Variants in TRAPPC10 observed in about 807,000 individuals in gnomAD.
TRAPPC10 encodes trafficking protein particle complex subunit 10.
Under a neutral mutation model 125.5 loss-of-function variants are expected in TRAPPC10, and 23 were observed. That is an observed-to-expected ratio of 0.18 (90% confidence interval 0.13 to 0.26). The LOEUF (loss-of-function observed/expected upper bound fraction) is 0.26, where lower values mean the gene tolerates loss of function less well. TRAPPC10 is among the 10% of genes least tolerant of loss of function. The pLI is 1.00. For synonymous variants in TRAPPC10, 509 were observed against 518.0 expected (o/e 0.98, Z 0.24); for missense variants, 1,123 against 1,308.4 (o/e 0.86, Z 2.19).
At position 44,090,665 on chromosome 21, in the gene TRAPPC10, C is replaced by G. The variant is rs570479342; in HGVS notation, c.2870+732C>G. On this transcript the variant is annotated intron_variant, in intron 18 of 22. Transcript: ENST00000291574. ...GGGAGGCCCACGGTGTCCAGGTGTC[C>G]TACCTTAGTGACGGTGCTAGCGTTG... Among the ~76,000 whole-genome samples, 4 of 152,302 alleles carry G rather than the reference C, an allele frequency of 2.6e-5. No homozygotes were observed. The South Asian group carries it at 8.3e-4, about 32-fold the overall frequency.
chr21:44,013,113 A>G (rs1210728335), intron 1 of TRAPPC10, among the ~76,000 whole-genome samples: 2 of 151,098 alleles, frequency 1.3e-5, no homozygotes, highest in Non-Finnish European at 2.9e-5. Context: ...AAACCATTTT[A>G]CGGATGAGAA....
At chr21:44,012,658 G>C in intron 1 of TRAPPC10, 98 bp downstream of exon 1, 1 of 1,136,930 alleles carries the variant, frequency 8.8e-7, no homozygotes, top group Non-Finnish European at 1.2e-6. Context: ...CCCCCGGCGC[G>C]CTCCGGGCTG....
chr21:44,056,386 C>T (rs1397252345), intron 5 of TRAPPC10, among the ~76,000 whole-genome samples: 1 of 152,050 alleles, frequency 6.6e-6, no homozygotes, highest in Non-Finnish European at 1.5e-5. Flanking sequence ...TGGGCAAAGG[C>T]CTGAGAAGAG....
Position 44,052,232 on chromosome 21 carries a change from TA to T in TRAPPC10, c.286-45del, listed in dbSNP as rs1435997535. The T allele has an allele frequency of 2.0e-6, 3 of 1,491,006 alleles. No homozygotes were observed. In the African/African-American group the frequency reaches 4.2e-5, roughly 21 times the overall value. 92.4% of individuals were successfully genotyped at this position (1,491,006 alleles called of 1,614,324 possible). A position where few individuals can be genotyped will look rare whatever the true frequency, so the allele number is the denominator to read the frequency against. Reference sequence around the variant, plus strand: ...ATTAGGCACATTTTGCTGTATAAACTAAAGGGCATTAGTTAACCTGCTTTCA... The same window carrying T: ...ATTAGGCACATTTTGCTGTATAAACTAAGGGCATTAGTTAACCTGCTTTCA... On this transcript the variant is annotated intron_variant, in intron 3 of 22. Transcript: ENST00000291574.
intron 7 of TRAPPC10, among the ~76,000 whole-genome samples, chr21:44,065,565 C>T (rs752928239): frequency 6.6e-6 from 1 of 152,192 alleles, no homozygotes; most frequent in African/African-American, 2.4e-5. Flanking sequence ...GAGGCAAGGA[C>T]GTGTCACCCA....
intron 6 of TRAPPC10, chr21:44,060,309 AC>A (rs2035939677): frequency 7.6e-6 from 1 of 131,130 alleles, no homozygotes; most frequent in Admixed American, 8.8e-5. Context: ...GGAGTCTTGC[AC>A]TGTTGCCCAG....
chr21:44,079,418 G>A (rs2037519059), intron 11 of TRAPPC10, 146 bp from the exon 12 acceptor site: 2 of 779,736 alleles, frequency 2.6e-6, no homozygotes, highest in Admixed American at 3.5e-5. Context: ...TCACGGAGTG[G>A]GGTGGGTGGA....
chr21:44,038,805 G>A (rs182041972), intron 3 of TRAPPC10, among the ~76,000 whole-genome samples: 97 of 152,274 alleles, frequency 6.4e-4, no homozygotes, highest in Middle Eastern at 3.4e-3. Flanking sequence ...TCTGCACCTG[G>A]TTTTCCTCAG....
At chr21:44,013,765 CT>C (rs1235442103) in intron 1 of TRAPPC10, among the ~76,000 whole-genome samples, 1 of 152,210 alleles carries the variant, frequency 6.6e-6, no homozygotes, top group Non-Finnish European at 1.5e-5. Flanking sequence ...AGATGATAGA[CT>C]TTTCTTAGGG....
At chr21:44,019,768 G>T (rs1218094666) in intron 1 of TRAPPC10, among the ~76,000 whole-genome samples, 1 of 152,198 alleles carries the variant, frequency 6.6e-6, no homozygotes, top group African/African-American at 2.4e-5. Context: ...CATGCCACCT[G>T]CCGCACCACT....
intron 1 of TRAPPC10, among the ~76,000 whole-genome samples, chr21:44,030,722 C>T (rs1187823474): frequency 1.3e-5 from 2 of 152,160 alleles, no homozygotes; most frequent in Non-Finnish European, 2.9e-5. Flanking sequence ...CCCACCTCGG[C>T]CTCCCAAAAT....
intron 7 of TRAPPC10, among the ~76,000 whole-genome samples, chr21:44,068,686 C>T (rs1025377791): frequency 9.9e-5 from 15 of 152,076 alleles, no homozygotes; most frequent in African/African-American, 3.1e-4. Flanking sequence ...TTGTAGCCTC[C>T]GCCTCCAGGG....
chr21:44,022,534 G>A (rs1420475549), intron 1 of TRAPPC10, among the ~76,000 whole-genome samples: 2 of 138,306 alleles, frequency 1.4e-5, no homozygotes, highest in Admixed American at 7.9e-5. Context: ...GGCTTATCTC[G>A]AACTCCCGAC....
intron 2 of TRAPPC10, among the ~76,000 whole-genome samples, chr21:44,037,519 G>A (rs897342769): frequency 6.6e-6 from 1 of 152,244 alleles, no homozygotes; most frequent in South Asian, 2.1e-4. Flanking sequence ...AGTGGCCCTG[G>A]TTAAATGCAG....
At chr21:44,037,311 T>C (rs1212372204) in intron 2 of TRAPPC10, among the ~76,000 whole-genome samples, 5 of 152,340 alleles carry the variant, frequency 3.3e-5, no homozygotes, top group African/African-American at 1.2e-4. Flanking sequence ...TTATTTGTGC[T>C]CTGCAAACAA....
At position 44,078,933 on chromosome 21, in the gene TRAPPC10, A is replaced by C. The variant is rs564440776; in HGVS notation, c.1470-631A>C. Among the ~76,000 whole-genome samples the C allele has an allele frequency of 2.6e-5, 4 of 152,300 alleles. No individual in the cohort carries two copies. In the East Asian group the frequency reaches 7.7e-4, roughly 29 times the overall value. ...TGTATTCCAGCCTGAGTGACAGAGC[A>C]AGACCCCATCTTTAAAAAAAACAGT... On this transcript the variant is annotated intron_variant, in intron 11 of 22. Transcript: ENST00000291574.
intron 3 of TRAPPC10, among the ~76,000 whole-genome samples, chr21:44,051,279 G>C (rs536929304): frequency 6.6e-6 from 1 of 152,282 alleles, no homozygotes; most frequent in South Asian, 2.1e-4. Flanking sequence ...AGAGTGACTT[G>C]AAAGTCCGGA....
intron 7 of TRAPPC10, among the ~76,000 whole-genome samples, chr21:44,072,963 C>T (rs1409036389): frequency 1.3e-5 from 2 of 152,214 alleles, no homozygotes; most frequent in African/African-American, 4.8e-5. Context: ...CTGATGAGGA[C>T]GCTCATCAAT....
At chr21:44,058,879 C>T (rs1451627744) in intron 5 of TRAPPC10, among the ~76,000 whole-genome samples, 3 of 151,958 alleles carry the variant, frequency 2.0e-5, no homozygotes, top group Non-Finnish European at 4.4e-5. Context: ...CTGGTGCTGC[C>T]GATAGGTCGG....
Sources: allele counts gnomAD v4.1 joint callset (sites outside exome capture counted in the v4.1 genomes callset), GRCh38; gene constraint gnomAD v4.1.1; transcripts MANE v1.5; gene names NCBI Gene and HGNC (gene_info 2026-07-23, HGNC 2026-07-21).